The following PDE1A variants were observed in gnomAD, a reference collection of about 807,000 sequenced individuals.
The protein encoded by PDE1A is phosphodiesterase 1A, also known as dual specificity calcium/calmodulin-dependent 3',5'-cyclic nucleotide phosphodiesterase 1A.
A neutral mutation model predicts 61.7 loss-of-function variants in PDE1A; 35 were observed. The observed-to-expected ratio is 0.57, with a 90% CI of 0.43 to 0.75. The LOEUF (loss-of-function observed/expected upper bound fraction) is 0.75. Among genes scored for constraint, PDE1A ranks in the 30% least tolerant of loss-of-function variants. The pLI is 0.00. For missense variants in PDE1A, 597 were observed against 630.6 expected (o/e 0.95, Z 0.57); for synonymous variants, 232 against 213.2 (o/e 1.09, Z -0.77).
the PDE1A span, among the ~76,000 whole-genome samples, chr2:182,710,494 C>T: frequency 1.3e-5 from 2 of 152,182 alleles, no homozygotes; most frequent in African/African-American, 4.8e-5. Context: ...TTCTTTTTGA[C>T]TACCATCTCT....
intron 2 of PDE1A, among the ~76,000 whole-genome samples, chr2:182,439,653 T>C (rs1381677648): frequency 6.6e-6 from 1 of 152,070 alleles, no homozygotes; most frequent in Non-Finnish European, 1.5e-5. Context: ...TAAGGCAGTT[T>C]CTGTGCTGGA....
intron 2 of PDE1A, among the ~76,000 whole-genome samples, chr2:182,453,601 G>C (rs1006958848): frequency 6.6e-6 from 1 of 152,094 alleles, no homozygotes; most frequent in African/African-American, 2.4e-5. Flanking sequence ...TGGGATGCAA[G>C]GCTGGGTCAA....
the PDE1A span, among the ~76,000 whole-genome samples, chr2:182,617,817 AG>A: frequency 6.6e-6 from 1 of 152,122 alleles, no homozygotes; most frequent in South Asian, 2.1e-4. Context: ...TACTTTTCTC[AG>A]GTGTCACTTG....
At chr2:182,310,527 A>G (rs1046984225) in intron 1 of PDE1A, among the ~76,000 whole-genome samples, 1 of 152,214 alleles carries the variant, frequency 6.6e-6, no homozygotes, top group Non-Finnish European at 1.5e-5. Context: ...TAGTTTGACT[A>G]TATTACACTA....
the PDE1A span, among the ~76,000 whole-genome samples, chr2:182,634,063 C>G: frequency 6.6e-6 from 1 of 151,596 alleles, no homozygotes; most frequent in Admixed American, 6.6e-5. Context: ...TACTCTAAGC[C>G]TGGATGACAG....
chr2:182,409,624 C>A (rs1702497178), intron 1 of PDE1A, among the ~76,000 whole-genome samples: 2 of 152,064 alleles, frequency 1.3e-5, no homozygotes, highest in Non-Finnish European at 2.9e-5. Flanking sequence ...TCCTGATGGG[C>A]CTGTGGGTGC....
intron 10 of PDE1A, among the ~76,000 whole-genome samples, chr2:182,199,450 T>G (rs762691612): frequency 6.6e-6 from 1 of 152,056 alleles, no homozygotes; most frequent in Non-Finnish European, 1.5e-5. Context: ...TGTGAAGCTA[T>G]AAAATTTCCC....
intron 1 of PDE1A, among the ~76,000 whole-genome samples, chr2:182,279,389 A>G (rs1693654682): frequency 6.6e-6 from 1 of 151,280 alleles, no homozygotes; most frequent in Non-Finnish European, 1.5e-5. Flanking sequence ...ATGACCATCA[A>G]AACAGAATGG....
At position 182,201,663 on chromosome 2, in the gene PDE1A, A is replaced by AAAAAAC. The variant is rs1553535416; in HGVS notation, c.1004+24_1004+25insGTTTTT. ...ACTTTAACATGACAAAAAAAAAAAA[A>AAAAAAC]CAACAAAAAAAACACAAAACCTACC... is the stretch of plus-strand genomic sequence containing the variant. On this transcript the variant is annotated intron_variant, in intron 9 of 13. Transcript: ENST00000351439. The AAAAAAC allele has an allele frequency of 4.6e-6, 7 of 1,517,988 alleles. No homozygotes were observed. The South Asian group carries it at 6.2e-5, about 13-fold the overall frequency. The allele number at this position is 1,517,988 out of a possible 1,614,324, so 94.0% of individuals were successfully genotyped here. A position where few individuals can be genotyped will look rare whatever the true frequency, so the allele number is the denominator to read the frequency against.
chr2:182,406,743 T>C (rs1702318097), intron 1 of PDE1A, among the ~76,000 whole-genome samples: 1 of 152,110 alleles, frequency 6.6e-6, no homozygotes, highest in African/African-American at 2.4e-5. Context: ...TAGTTGAAAT[T>C]GTGCTGGTAT....
the PDE1A span, among the ~76,000 whole-genome samples, chr2:182,679,987 C>T: frequency 6.6e-6 from 1 of 152,040 alleles, no homozygotes; most frequent in African/African-American, 2.4e-5. Context: ...ATGGCATTGG[C>T]ATATGAGTAG....
the PDE1A span, among the ~76,000 whole-genome samples, chr2:182,569,846 G>C: frequency 6.6e-6 from 1 of 152,110 alleles, no homozygotes; most frequent in Non-Finnish European, 1.5e-5. Flanking sequence ...ACCTTCTTTC[G>C]ATACTACTCT....
At chr2:182,457,211 C>T (rs1685983694) in intron 2 of PDE1A, among the ~76,000 whole-genome samples, 2 of 151,900 alleles carry the variant, frequency 1.3e-5, no homozygotes, top group Admixed American at 1.3e-4. Context: ...ATTTTCTGCC[C>T]TGCTGGATTC....
the PDE1A span, among the ~76,000 whole-genome samples, chr2:182,619,264 A>G: frequency 6.6e-6 from 1 of 152,184 alleles, no homozygotes; most frequent in East Asian, 1.9e-4. Context: ...TTACAACACT[A>G]TAATAATTCC....
the PDE1A span, among the ~76,000 whole-genome samples, chr2:182,706,821 T>TTAAATA: frequency 2.0e-5 from 3 of 152,218 alleles, no homozygotes; most frequent in African/African-American, 2.4e-5. Flanking sequence ...AAGCAGTAAC[T>TTAAATA]TAAATATGTT....
chr2:182,453,526 C>T (rs889063894), intron 2 of PDE1A, among the ~76,000 whole-genome samples: 1 of 151,994 alleles, frequency 6.6e-6, no homozygotes, highest in African/African-American at 2.4e-5. Context: ...CAATAAAATA[C>T]TGGCAAACCG....
upstream of PDE1A, chr2:182,523,134 T>C (rs1690661985): frequency 6.6e-6 from 1 of 152,192 alleles, no homozygotes; most frequent in African/African-American, 2.4e-5. Context: ...AGTAGGTAAC[T>C]GCCAATTTAA....
chr2:182,185,764 C>T lies in PDE1A; in HGVS notation c.1516+128G>A, dbSNP rs1227154189. ...TTCTCATGAATGATCAAAGAGTAGC[C>T]AAATTCCCAATACCATCAAGGGCTT... On this transcript the variant is annotated intron_variant, in intron 13 of 13. Transcript: ENST00000351439. 2.0e-6 allele frequency: 3 copies of T among 1,516,328 alleles called. 1 individual carries two copies. The South Asian group carries it at 3.7e-5, about 19-fold the overall frequency. 93.9% of individuals were successfully genotyped at this position (1,516,328 alleles called of 1,614,324 possible). A position where few individuals can be genotyped will look rare whatever the true frequency, so the allele number is the denominator to read the frequency against.
intron 7 of PDE1A, among the ~76,000 whole-genome samples, chr2:182,211,359 CTT>C (rs927188672): frequency 6.6e-6 from 1 of 152,158 alleles, no homozygotes; most frequent in Non-Finnish European, 1.5e-5. Flanking sequence ...GCTCTCTACT[CTT>C]TTTCATTGAT....
Sources: gnomAD v4.1 joint callset for allele counts (sites outside exome capture counted in the v4.1 genomes callset) on GRCh38, gnomAD v4.1.1 for gene constraint, MANE v1.5 for transcripts, NCBI Gene and HGNC (gene_info 2026-07-23, HGNC 2026-07-21) for gene names.